Variants in STPG2 observed in about 807,000 individuals in gnomAD.
The protein encoded by STPG2 is sperm tail PG-rich repeat containing 2.
A neutral mutation model predicts 54.2 loss-of-function variants in STPG2; 56 were observed. The ratio of observed to expected loss-of-function variants is 1.03; its 90% CI spans 0.83 to 1.29. STPG2 has a LOEUF of 1.29. STPG2 is among the 50% of genes most tolerant of loss of function. STPG2 has a pLI of 0.00. For missense variants in STPG2, 596 were observed against 544.9 expected, an observed-to-expected ratio of 1.09 and a Z score of -0.93; for synonymous variants, 200 against 181.8, an observed-to-expected ratio of 1.10 and a Z score of -0.81.
At position 98,100,580 on chromosome 4, in the gene STPG2, G is replaced by T. The variant is rs887907162; in HGVS notation, c.612+5373C>A. On this transcript the variant is annotated intron_variant, in intron 5 of 10. Transcript: ENST00000295268. ...TAAGGGTGCATCTGCTGAACTTAAA[G>T]AGCCAAGAAATGGAGTGAAGCTATT... is the stretch of plus-strand genomic sequence containing the variant. Among the ~76,000 whole-genome samples the T allele has an allele frequency of 3.3e-5, 5 of 150,954 alleles. No individual in the cohort carries two copies. In the South Asian group the frequency reaches 6.3e-4, roughly 19 times the overall value.
intron 9 of STPG2, among the ~76,000 whole-genome samples, chr4:97,777,890 T>C (rs1455540858): frequency 6.6e-6 from 1 of 152,226 alleles, no homozygotes; most frequent in Non-Finnish European, 1.5e-5. Flanking sequence ...ATCAAATTAC[T>C]ATCTATCAAT....
chr4:97,658,819 G>A (rs561914834), intron 10 of STPG2, among the ~76,000 whole-genome samples: 3 of 152,126 alleles, frequency 2.0e-5, no homozygotes, highest in African/African-American at 7.2e-5. Flanking sequence ...TAACATAGCA[G>A]GGCCTATTGT....
rs150149207 is a variant in STPG2 at position 97,648,095 on chromosome 4, G to A, written c.1320+64604C>T. The stretch of plus-strand genomic sequence containing the variant: ...AGGCATTAACCCTTTAGTTGCTGGC[G>A]TGGTCTGAAGTAATCCTAGGGGAAG... On this transcript the variant is annotated intron_variant, in intron 10 of 10. Coordinates refer to ENST00000295268, the MANE Select transcript of STPG2 (RefSeq NM_174952.3). 4.2e-3 allele frequency among the ~76,000 whole-genome samples: 642 copies of A among 152,262 alleles called. 3 individuals are homozygous for A. The highest frequency in any genetic ancestry group is 0.022 in the South Asian group (106 of 4,828).
rs186384214 is a variant in STPG2 at position 97,944,099 on chromosome 4, G to A, written c.934-92C>T. 529 of 784,386 alleles carry A rather than the reference G, an allele frequency of 6.7e-4. 1 individual carries two copies. The highest frequency in any genetic ancestry group is 5.8e-3 in the East Asian group (208 of 35,810). The allele number at this position is 784,386 out of a possible 1,614,324, so 48.6% of individuals were successfully genotyped here. On this transcript the variant is annotated intron_variant, in intron 7 of 10. Transcript: ENST00000295268. ...AATAAGTTTGCAATGAAGTTCATCA[G>A]TATTATCTGGCATTAAATAAAGACA...
At chr4:97,981,360 A>G (rs371456498) in intron 5 of STPG2, 42 bp from the exon 6 acceptor site, 22 of 1,592,250 alleles carry the variant, frequency 1.4e-5, no homozygotes, top group Admixed American at 5.3e-5. Flanking sequence ...AAAGTATAGT[A>G]CATTTTGATA....
At chr4:97,984,346 T>C (rs1489698167) in intron 5 of STPG2, among the ~76,000 whole-genome samples, 1 of 152,118 alleles carries the variant, frequency 6.6e-6, no homozygotes, top group Non-Finnish European at 1.5e-5. Flanking sequence ...GATTTTGCCA[T>C]GTTGGCCAGG....
rs138354328 is a variant in STPG2 at position 97,580,659 on chromosome 4, G to A, written c.1321-21542C>T. On this transcript the variant is annotated intron_variant, in intron 10 of 10. Coordinates refer to ENST00000295268, the MANE Select transcript of STPG2 (RefSeq NM_174952.3). Reference sequence around the variant, plus strand: ...AGAAAACTTCCAGCCTCCAAATAACGACAAACTGCTTTAAAGAAAAAGGAA... The same window carrying A: ...AGAAAACTTCCAGCCTCCAAATAACAACAAACTGCTTTAAAGAAAAAGGAA... Among the ~76,000 whole-genome samples, 631 of 151,722 alleles carry A rather than the reference G, an allele frequency of 4.2e-3. 3 individuals carry two copies. Among genetic ancestry groups the A allele is most frequent in the South Asian group, 0.02 (98 of 4,818 alleles).
rs371459335 is a variant in STPG2 at position 97,538,053 on chromosome 4, T to A, written c.462+174646A>T. On this transcript the variant is annotated intron_variant, in intron 4 of 4. Transcript: ENST00000522676. ...CCAAAACCCCATCTGTACGTCACCA[T>A]CATCAAAGACCAAAGGTAGAAAAAA... Among the ~76,000 whole-genome samples, 6 of 152,050 alleles carry A rather than the reference T, an allele frequency of 3.9e-5. No individual in the cohort carries two copies. The East Asian group carries it at 1.2e-3, about 29-fold the overall frequency.
chr4:97,890,667 A>T (rs1237337612), intron 8 of STPG2, among the ~76,000 whole-genome samples: 2 of 151,940 alleles, frequency 1.3e-5, no homozygotes, highest in African/African-American at 4.8e-5. Flanking sequence ...ATTTCAAAAA[A>T]CAGCTAAAAG....
At position 97,509,263 on chromosome 4, in the gene STPG2, C is replaced by G. The variant is rs183944075; in HGVS notation, c.462+203436G>C. Among the ~76,000 whole-genome samples, 138 of 151,950 alleles carry G rather than the reference C, an allele frequency of 9.1e-4. 1 individual carries two copies. The highest frequency in any genetic ancestry group is 3.2e-3 in the African/African-American group (133 of 41,442). On this transcript the variant is annotated intron_variant, in intron 4 of 4. Coordinates refer to the STPG2 transcript ENST00000522676. ...TTTTTCCCCAGAATTCTTAAGAGGT[C>G]AGTGTGGAAACTTCAGATGGAAATT...
intron 10 of STPG2, among the ~76,000 whole-genome samples, chr4:97,634,128 T>C (rs1721410230): frequency 6.6e-6 from 1 of 152,168 alleles, no homozygotes; most frequent in Non-Finnish European, 1.5e-5. Flanking sequence ...GTTCTCCCAG[T>C]ACACAGCTGG....
At chr4:97,902,931 T>A (rs949498092) in intron 8 of STPG2, among the ~76,000 whole-genome samples, 4 of 152,102 alleles carry the variant, frequency 2.6e-5, no homozygotes, top group Non-Finnish European at 5.9e-5. Flanking sequence ...AGAGAAAATG[T>A]GATATATATA....
chr4:98,109,999 C>T (rs1739299613), intron 3 of STPG2, among the ~76,000 whole-genome samples: 1 of 152,122 alleles, frequency 6.6e-6, no homozygotes, highest in Admixed American at 6.6e-5. Context: ...ACAGTAGCTT[C>T]TTTTTTACAG....
At chr4:98,115,487 A>G (rs1447526662) in intron 3 of STPG2, among the ~76,000 whole-genome samples, 5 of 152,040 alleles carry the variant, frequency 3.3e-5, no homozygotes, top group African/African-American at 1.2e-4. Flanking sequence ...AAATTTAGCT[A>G]AAGTTTAACA....
chr4:98,030,441 G>A (rs1450368437), intron 5 of STPG2, among the ~76,000 whole-genome samples: 5 of 152,104 alleles, frequency 3.3e-5, no homozygotes, highest in African/African-American at 1.2e-4. Flanking sequence ...TTTCCACAAT[G>A]TTGTTAAAAT....
intron 10 of STPG2, among the ~76,000 whole-genome samples, chr4:97,651,182 G>C (rs1304184789): frequency 1.3e-5 from 2 of 151,928 alleles, no homozygotes; most frequent in Non-Finnish European, 2.9e-5. Flanking sequence ...ATATCAATAA[G>C]TTTCTTGACT....
At chr4:97,752,860 C>T (rs1462945500) in intron 9 of STPG2, among the ~76,000 whole-genome samples, 2 of 151,828 alleles carry the variant, frequency 1.3e-5, no homozygotes, top group Non-Finnish European at 2.9e-5. Context: ...CCATAACTCA[C>T]TCTAAACTCT....
At chr4:98,068,958 C>A (rs546853340) in intron 5 of STPG2, among the ~76,000 whole-genome samples, 3 of 152,066 alleles carry the variant, frequency 2.0e-5, no homozygotes, top group Non-Finnish European at 2.9e-5. Context: ...ATGGGACCAT[C>A]ATCATACGTG....
intron 10 of STPG2, among the ~76,000 whole-genome samples, chr4:97,634,132 C>T (rs567912081): frequency 1.3e-5 from 2 of 152,320 alleles, no homozygotes; most frequent in Middle Eastern, 3.4e-3. Flanking sequence ...TCCCAGTACA[C>T]AGCTGGAGAT....
Sources: allele counts gnomAD v4.1 joint callset (sites outside exome capture counted in the v4.1 genomes callset), GRCh38; gene constraint gnomAD v4.1.1; transcripts MANE v1.5; gene names NCBI Gene and HGNC (gene_info 2026-07-23, HGNC 2026-07-21).